SUMO3: variants seen among roughly 807,000 people sequenced by gnomAD.
The protein encoded by SUMO3 is small ubiquitin like modifier 3, also known as small ubiquitin-related modifier 3.
A neutral mutation model predicts 11.1 loss-of-function variants in SUMO3; 2 were observed. The ratio of observed to expected loss-of-function variants is 0.18; its 90% CI spans 0.07 to 0.57. SUMO3 has a LOEUF of 0.57. Among genes scored for constraint, SUMO3 ranks in the 20% least tolerant of loss-of-function variants. The probability of loss-of-function intolerance (pLI) is 0.92; values close to 1 mark genes in which losing one functional copy is unlikely to be tolerated. For synonymous variants in SUMO3, 56 were observed against 53.5 expected (o/e 1.05, Z -0.20); for missense variants, 70 against 132.8 (o/e 0.53, Z 2.32).
At chr21:44,816,586 T>C (rs2083244693) in intron 1 of SUMO3, among the ~76,000 whole-genome samples, 1 of 152,216 alleles carries the variant, frequency 6.6e-6, no homozygotes, top group Non-Finnish European at 1.5e-5. Flanking sequence ...TCTAGTCATC[T>C]TCCACTGGGA....
In SUMO3 at chr21:44,806,928, G is replaced by A. The variant is rs368636514; in HGVS notation, c.*23C>T. ...ATTCAACAGCAATGCGAGGATGGACGGCCCGGGCTGGGGACGGGCCCTCTA... is the reference window on the plus strand; with the variant it reads ...ATTCAACAGCAATGCGAGGATGGACAGCCCGGGCTGGGGACGGGCCCTCTA... On this transcript the variant is annotated 3_prime_UTR_variant, in exon 4 of 4. Transcript: ENST00000332859. 46 of 1,613,934 alleles carry A rather than the reference G, an allele frequency of 2.9e-5. 1 individual carries two copies. In the Middle Eastern group the frequency reaches 4.9e-4, roughly 17 times the overall value.
At chr21:44,809,891 C>T (rs4818977) in intron 2 of SUMO3, among the ~76,000 whole-genome samples, 31,861 of 152,118 alleles carry the variant, frequency 0.21, 4,606 homozygotes, top group East Asian at 0.58. Flanking sequence ...TGGGTCATCC[C>T]TCCCATCTTT....
chr21:44,808,748 G>A (rs370756017), intron 3 of SUMO3, among the ~76,000 whole-genome samples: 6 of 152,160 alleles, frequency 3.9e-5, no homozygotes, highest in African/African-American at 9.7e-5. Flanking sequence ...AACAGCAAGC[G>A]TCCAGACAAT....
intron 1 of SUMO3, among the ~76,000 whole-genome samples, chr21:44,815,196 C>A (rs1157857579): frequency 6.6e-6 from 1 of 152,194 alleles, no homozygotes; most frequent in Non-Finnish European, 1.5e-5. Flanking sequence ...ACTGTCCCAG[C>A]GATGCCTAAA....
In SUMO3 at chr21:44,806,145, A is replaced by C. The variant is rs913799588; in HGVS notation, c.*806T>G. The C allele has an allele frequency of 1.3e-5, 2 of 152,184 alleles. No homozygotes were observed. The highest frequency in any genetic ancestry group is 6.5e-5 in the Admixed American group (1 of 15,278). The allele number at this position is 152,184 out of a possible 1,614,324, so 9.4% of individuals were successfully genotyped here. A position where few individuals can be genotyped will look rare whatever the true frequency, so the allele number is the denominator to read the frequency against. ...ATACTAGAAGAAATCTGAGGCCACA[A>C]CACCATTACCAAATGAGAAATGTGG... On this transcript the variant is annotated 3_prime_UTR_variant, in exon 4 of 4. Transcript: ENST00000332859.
intron 3 of SUMO3, chr21:44,808,660 C>T: frequency 7.3e-7 from 1 of 1,376,732 alleles, no homozygotes; most frequent in South Asian, 1.9e-5. Flanking sequence ...ATGGCACATT[C>T]TGCCCACCCA....
At position 44,809,010 on chromosome 21, in the gene SUMO3, G is replaced by C. The variant is rs1330067531; in HGVS notation, c.222+37C>G. On this transcript the variant is annotated intron_variant, in intron 3 of 3. Transcript: ENST00000332859. ...AATGGCAGTTACCCCGCACAAATCG[G>C]AAGTCGCCCTGGAACCACGCGAAGC... 3.8e-6 allele frequency: 6 copies of C among 1,591,910 alleles called. No individual in the cohort carries two copies. In the African/African-American group the frequency reaches 4.0e-5, roughly 11 times the overall value.
chr21:44,806,792 G>GATAT lies in SUMO3; in HGVS notation c.*155_*158dup. 1 of 1,430,262 alleles carries GATAT rather than the reference G, an allele frequency of 7.0e-7. No homozygotes were observed. The highest frequency in any genetic ancestry group is 2.6e-5 in the East Asian group (1 of 38,672). The allele number at this position is 1,430,262 out of a possible 1,614,324, so 88.6% of individuals were successfully genotyped here. On this transcript the variant is annotated 3_prime_UTR_variant, in exon 4 of 4. Coordinates refer to ENST00000332859, the MANE Select transcript of SUMO3 (RefSeq NM_006936.3). ...TTTAAGTTACAGATTCATCCCTGCA[G>GATAT]ATATAGTTTTGAGTTGCACTTGAAG...
intron 3 of SUMO3, 27 bp downstream of exon 3, chr21:44,809,020 T>G: frequency 6.2e-7 from 1 of 1,610,724 alleles, no homozygotes; most frequent in Non-Finnish European, 8.5e-7. Context: ...GAAGTCGCCC[T>G]GGAACCACGC....
At chr21:44,817,269 G>A (rs1275900091) in intron 1 of SUMO3, among the ~76,000 whole-genome samples, 1 of 149,204 alleles carries the variant, frequency 6.7e-6, no homozygotes, top group African/African-American at 2.5e-5. Context: ...GGGCGCGATG[G>A]GTGGGAGTAG....
intron 1 of SUMO3, among the ~76,000 whole-genome samples, chr21:44,817,057 A>C (rs1472917042): frequency 2.6e-4 from 14 of 53,482 alleles, no homozygotes; most frequent in African/African-American, 1.1e-3. Context: ...TGTGATGGAG[A>C]GGGCGACGCA....
In SUMO3 at chr21:44,811,636, T is replaced by G. The variant is rs2083213172; in HGVS notation, c.150+2340A>C. ...AAGAACAGAAAGAAAAAAGAACTTT[T>G]GGAAATTAAAAATCATGACAGAGAT... On this transcript the variant is annotated intron_variant, in intron 2 of 3. Transcript: ENST00000332859. This position sits in a 1 kb window ranked among gnomAD's most constrained non-coding sequence, Gnocchi z 5.0. 6.6e-6 allele frequency among the ~76,000 whole-genome samples: 1 copy of G among 152,018 alleles called. No individual in the cohort carries two copies. The highest frequency in any genetic ancestry group is 2.4e-5 in the African/African-American group (1 of 41,366).
At chr21:44,813,774 C>A in intron 2 of SUMO3, 2 of 1,479,096 alleles carry the variant, frequency 1.4e-6, no homozygotes, top group Non-Finnish European at 1.8e-6. Flanking sequence ...CTAGGTCCCT[C>A]CACCTTATAA....
At chr21:44,815,329 C>G (rs2083237154) in intron 1 of SUMO3, among the ~76,000 whole-genome samples, 3 of 152,268 alleles carry the variant, frequency 2.0e-5, no homozygotes, top group Admixed American at 1.3e-4. Flanking sequence ...GTCAAGGGAG[C>G]TAGAGTGGCC....
rs944247854 is a variant in SUMO3, at chr21:44,817,227, G to A, written c.21+721C>T. Among the ~76,000 whole-genome samples the A allele has an allele frequency of 4.7e-5, 7 of 150,276 alleles. No homozygotes were observed. The East Asian group carries it at 1.4e-3, about 30-fold the overall frequency. On this transcript the variant is annotated intron_variant, in intron 1 of 3. Transcript: ENST00000332859. ...CGATGGGGAGGGGTGGGCGCACACC[G>A]GGGGACGCGATGGAGGCGGTGGGTG... is the stretch of plus-strand genomic sequence containing the variant.
At chr21:44,812,198 A>G (rs2083216478) in intron 2 of SUMO3, among the ~76,000 whole-genome samples, 2 of 151,574 alleles carry the variant, frequency 1.3e-5, no homozygotes, top group African/African-American at 4.9e-5. Flanking sequence ...CTGGGACTAT[A>G]GGCTTGCACC....
chr21:44,811,753 G>A lies in SUMO3; in HGVS notation c.150+2223C>T, dbSNP rs996631898. Among the ~76,000 whole-genome samples the A allele has an allele frequency of 6.6e-6, 1 of 152,186 alleles. No individual in the cohort carries two copies. The highest frequency in any genetic ancestry group is 1.5e-5 in the Non-Finnish European group (1 of 68,044). ...CAATAAAGCCCAAAGCAAAATGGGA[G>A]AAAAATTATCAAATTTAAAATATCT... On this transcript the variant is annotated intron_variant, in intron 2 of 3. Transcript: ENST00000332859. This position sits in a 1 kb window ranked among gnomAD's most constrained non-coding sequence, Gnocchi z 5.0.
chr21:44,811,056 CCA>C lies in SUMO3; in HGVS notation c.151-1940_151-1939del, dbSNP rs1340199849. ...CACCCACATACACACACGCACACAC[CCA>C]CACATACACACACACGAATGCACAC... On this transcript the variant is annotated intron_variant, in intron 2 of 3. Transcript: ENST00000332859. This position sits in a 1 kb window ranked among gnomAD's most constrained non-coding sequence, Gnocchi z 5.0. Among the ~76,000 whole-genome samples, 11 of 135,856 alleles carry C rather than the reference CCA, an allele frequency of 8.1e-5. No homozygotes were observed. The highest frequency in any genetic ancestry group is 2.3e-4 in the South Asian group (1 of 4,264). The allele number at this position is 135,856 out of a possible 152,430, so 89.1% of individuals were successfully genotyped here.
intron 2 of SUMO3, among the ~76,000 whole-genome samples, chr21:44,809,720 G>A (rs1053239759): frequency 5.3e-5 from 8 of 152,200 alleles, no homozygotes; most frequent in African/African-American, 1.9e-4. Flanking sequence ...AGAAAAGCTG[G>A]ACTAGCATTG....
Sources: allele counts gnomAD v4.1 joint callset (sites outside exome capture counted in the v4.1 genomes callset), GRCh38; gene constraint gnomAD v4.1.1; non-coding constraint Gnocchi (gnomAD v3.1); transcripts MANE v1.5; gene names NCBI Gene and HGNC (gene_info 2026-07-23, HGNC 2026-07-21).